The following ACVR1B variants were observed in gnomAD, a reference collection of about 807,000 sequenced individuals.
ACVR1B encodes the protein activin receptor type-1B.
Under a neutral mutation model 55.6 loss-of-function variants are expected in ACVR1B, and 15 were observed. That is an observed-to-expected ratio of 0.27 (90% CI 0.18 to 0.42). ACVR1B has a LOEUF of 0.42. Among genes scored for constraint, ACVR1B ranks in the 10% least tolerant of loss-of-function variants. ACVR1B has a pLI of 1.00. For missense variants in ACVR1B, 359 were observed against 670.1 expected (o/e 0.54, Z 5.13); for synonymous variants, 247 against 254.6 (o/e 0.97, Z 0.28).
chr12:51,966,202 C>G lies in ACVR1B; in HGVS notation c.92-9063C>G, dbSNP rs185583862. Among the ~76,000 whole-genome samples the G allele has an allele frequency of 2.0e-5, 3 of 152,312 alleles. No homozygotes were observed. The East Asian group carries it at 5.8e-4, about 29-fold the overall frequency. On this transcript the variant is annotated intron_variant, in intron 1 of 8. Transcript: ENST00000257963. The stretch of plus-strand genomic sequence containing the variant: ...CCAGAAATTTGAGCCTGAATCACAT[C>G]AAACCTCTAACTCTAGCTAATAGCT...
chr12:51,973,450 A>G (rs1941786046), intron 1 of ACVR1B, among the ~76,000 whole-genome samples: 2 of 152,236 alleles, frequency 1.3e-5, no homozygotes, highest in South Asian at 4.1e-4. Context: ...AGCTTTCTTA[A>G]GATTCCAGTG....
intron 1 of ACVR1B, among the ~76,000 whole-genome samples, chr12:51,960,545 A>G (rs1941499753): frequency 6.6e-6 from 1 of 152,238 alleles, no homozygotes; most frequent in African/African-American, 2.4e-5. Flanking sequence ...ACTATATACT[A>G]AAGTATTATG....
chr12:51,968,109 G>T (rs1026880460), intron 1 of ACVR1B, among the ~76,000 whole-genome samples: 5 of 152,202 alleles, frequency 3.3e-5, no homozygotes, highest in African/African-American at 1.2e-4. Flanking sequence ...GGTAGCAGGT[G>T]CCTGTAATCC....
chr12:51,954,988 A>G (rs1410682735), intron 1 of ACVR1B, among the ~76,000 whole-genome samples: 1 of 152,126 alleles, frequency 6.6e-6, no homozygotes, highest in Non-Finnish European at 1.5e-5. Flanking sequence ...CCTCAAGTTA[A>G]TTTCTGTCTC....
intron 4 of ACVR1B, 146 bp downstream of exon 4, chr12:51,981,345 T>A: frequency 3.0e-6 from 2 of 656,804 alleles, no homozygotes; most frequent in Non-Finnish European, 5.1e-6. Context: ...ATGCTTTCCT[T>A]AAAGTGTGGA....
At chr12:51,992,258 G>A (rs751272210) in intron 8 of ACVR1B, 30 of 491,452 alleles carry the variant, frequency 6.1e-5, no homozygotes, top group Admixed American at 5.4e-4. Context: ...TAATCGTAGC[G>A]CTTTGAGAGG....
At chr12:51,961,997 G>T (rs1205805933) in intron 1 of ACVR1B, among the ~76,000 whole-genome samples, 1 of 152,178 alleles carries the variant, frequency 6.6e-6, no homozygotes, top group Non-Finnish European at 1.5e-5. Context: ...AAATTAAGTT[G>T]CAATGACAGG....
At chr12:51,985,560 A>G (rs1463240051) in intron 6 of ACVR1B, among the ~76,000 whole-genome samples, 3 of 152,264 alleles carry the variant, frequency 2.0e-5, no homozygotes, top group Non-Finnish European at 2.9e-5. Context: ...GCACAGCTCC[A>G]TAAACTGTAT....
chr12:51,974,522 TGC>T (rs1015247030), intron 1 of ACVR1B, among the ~76,000 whole-genome samples: 11 of 144,970 alleles, frequency 7.6e-5, no homozygotes, highest in African/African-American at 1.8e-4. Flanking sequence ...TGTGTGTGTG[TGC>T]GCGCGCACAC....
chr12:51,954,026 T>A (rs1941362822), intron 1 of ACVR1B, among the ~76,000 whole-genome samples: 1 of 152,226 alleles, frequency 6.6e-6, no homozygotes, highest in African/African-American at 2.4e-5. Context: ...TGGAGACCAC[T>A]GCTGCAAAGG....
At chr12:51,992,094 G>A in intron 8 of ACVR1B, 101 bp downstream of exon 8, 7 of 1,472,440 alleles carry the variant, frequency 4.8e-6, no homozygotes, top group Non-Finnish European at 5.6e-6. Context: ...AGCCCCCTGA[G>A]AGTGTCAGTT....
Position 51,980,982 on chromosome 12 carries a change from T to C in ACVR1B, c.594T>C (p.Phe198=). ...TTTGGTTCACAGGGTTACCCCTCTT[T>C]GTCCAGCGCACAGTGGCCCGAACCA... ...TSGSGSGLPL[F]VQRTVARTIV... is the part of the protein sequence containing the mutation. The change falls in exon 4 of 9, where the codon TTT becomes TTC. Residue 198 remains phenylalanine, a synonymous_variant. Transcript: ENST00000257963. 1 of 1,608,854 alleles carries C rather than the reference T, an allele frequency of 6.2e-7. No individual in the cohort carries two copies. The highest frequency in any genetic ancestry group is 8.5e-7 in the Non-Finnish European group (1 of 1,176,512).
intron 7 of ACVR1B, among the ~76,000 whole-genome samples, chr12:51,989,465 A>G (rs1018616352): frequency 6.6e-6 from 1 of 151,688 alleles, no homozygotes; most frequent in South Asian, 2.1e-4. Context: ...TTCTGTTTTT[A>G]GTAGTGATGG....
Position 51,994,641 on chromosome 12 carries a change from G to T in ACVR1B, c.*531G>T, listed in dbSNP as rs1019065639. 6 of 156,112 alleles carry T rather than the reference G, an allele frequency of 3.8e-5. No homozygotes were observed. The highest frequency in any genetic ancestry group is 7.2e-5 in the African/African-American group (3 of 41,496). 9.7% of individuals were successfully genotyped at this position (156,112 alleles called of 1,614,324 possible). ...ACTGCCAGTGGAGACGGAATCTGCC[G>T]CTTTGTCTGTCCAGCCGTGTGTGCA... On this transcript the variant is annotated 3_prime_UTR_variant, in exon 9 of 9. Transcript: ENST00000257963. The surrounding 1 kb of genome is among the most constrained non-coding windows in gnomAD (Gnocchi z 4.2).
At chr12:51,966,113 A>G (rs145512651) in intron 1 of ACVR1B, among the ~76,000 whole-genome samples, 327 of 152,270 alleles carry the variant, frequency 2.1e-3, no homozygotes, top group African/African-American at 7.6e-3. Context: ...AAAAGAGACA[A>G]CTGGAAGTTC....
At chr12:51,967,608 C>CTA (rs1941667773) in intron 1 of ACVR1B, among the ~76,000 whole-genome samples, 1 of 152,152 alleles carries the variant, frequency 6.6e-6, no homozygotes, top group African/African-American at 2.4e-5. Flanking sequence ...GGGAAACCTG[C>CTA]TAGAGAATCG....
At chr12:51,958,162 T>C (rs1316883731) in intron 1 of ACVR1B, among the ~76,000 whole-genome samples, 1 of 152,154 alleles carries the variant, frequency 6.6e-6, no homozygotes, top group East Asian at 1.9e-4. Context: ...ACAAAAGTGG[T>C]AGAAATAAAA....
At chr12:51,966,191 C>T (rs1206946397) in intron 1 of ACVR1B, among the ~76,000 whole-genome samples, 3 of 152,146 alleles carry the variant, frequency 2.0e-5, no homozygotes, top group Non-Finnish European at 4.4e-5. Context: ...AAATTTGAGC[C>T]TGAATCACAT....
chr12:51,976,750 G>C (rs1048987358), intron 3 of ACVR1B, among the ~76,000 whole-genome samples, 175 bp downstream of exon 3: 4 of 152,220 alleles, frequency 2.6e-5, no homozygotes, highest in African/African-American at 9.6e-5. Context: ...TAAGATAATG[G>C]GTTCACAGAA....
Sources: allele counts gnomAD v4.1 joint callset (sites outside exome capture counted in the v4.1 genomes callset), GRCh38; gene constraint gnomAD v4.1.1; non-coding constraint Gnocchi (gnomAD v3.1); transcripts MANE v1.5; gene names NCBI Gene and HGNC (gene_info 2026-07-23, HGNC 2026-07-21).